The following PTER variants were observed in gnomAD, a reference collection of about 807,000 sequenced individuals.
PTER encodes the protein phosphotriesterase related.
PTER carries 38 observed loss-of-function variants against 29.6 expected under a neutral mutation model. The observed-to-expected ratio is 1.28, with a 90% CI of 0.99 to 1.68. The LOEUF (loss-of-function observed/expected upper bound fraction) is 1.68, where lower values mean the gene tolerates loss of function less well. Ranked by LOEUF, PTER falls within the 40% of genes most tolerant of loss-of-function variation. The probability of loss-of-function intolerance (pLI) is 0.00; values close to 1 mark genes in which losing one functional copy is unlikely to be tolerated. For missense variants in PTER, 482 were observed against 427.8 expected (o/e 1.13, Z -1.12); for synonymous variants, 172 against 154.5 (o/e 1.11, Z -0.84).
At chr10:16,466,178 G>T (rs1427242910) in intron 1 of PTER, among the ~76,000 whole-genome samples, 3 of 152,108 alleles carry the variant, frequency 2.0e-5, no homozygotes, top group African/African-American at 7.2e-5. Flanking sequence ...TTATGGTGTT[G>T]ACTTTCCCAG....
Position 16,513,134 on chromosome 10 carries a change from G to T in PTER, c.*1878G>T, listed in dbSNP as rs1173188719. The T allele has an allele frequency of 6.6e-6, 1 of 152,166 alleles. No homozygotes were observed. Among genetic ancestry groups the T allele is most frequent in the Non-Finnish European group, 1.5e-5 (1 of 67,996 alleles). The allele number at this position is 152,166 out of a possible 1,614,324, so 9.4% of individuals were successfully genotyped here. A position where few individuals can be genotyped will look rare whatever the true frequency, so the allele number is the denominator to read the frequency against. On this transcript the variant is annotated 3_prime_UTR_variant, in exon 5 of 5. Coordinates refer to ENST00000535784, the MANE Select transcript of PTER (RefSeq NM_001261836.2). ...CAGTTAAAGTATTGATTGGCATATGGTAATAGAGCAACCATAGCCTTAACT... is the reference window on the plus strand; with the variant it reads ...CAGTTAAAGTATTGATTGGCATATGTTAATAGAGCAACCATAGCCTTAACT...
At chr10:16,483,981 A>T (rs1835582362) in intron 1 of PTER, among the ~76,000 whole-genome samples, 1 of 152,172 alleles carries the variant, frequency 6.6e-6, no homozygotes, top group Non-Finnish European at 1.5e-5. Context: ...CTTTTTTTTA[A>T]TTACAATTAC....
intron 1 of PTER, among the ~76,000 whole-genome samples, chr10:16,477,947 G>A (rs1368690837): frequency 6.6e-6 from 1 of 152,172 alleles, no homozygotes; most frequent in Non-Finnish European, 1.5e-5. Context: ...AGGGTTTCAT[G>A]GGACAGAAAA....
intron 1 of PTER, among the ~76,000 whole-genome samples, chr10:16,477,605 T>C (rs1430092886): frequency 6.6e-6 from 1 of 152,176 alleles, no homozygotes; most frequent in African/African-American, 2.4e-5. Flanking sequence ...CTGGAAGTTA[T>C]CTGGTCAACC....
At chr10:16,458,400 A>G (rs1170746289) in intron 1 of PTER, among the ~76,000 whole-genome samples, 1 of 152,220 alleles carries the variant, frequency 6.6e-6, no homozygotes, top group Non-Finnish European at 1.5e-5. Flanking sequence ...TTATGCGATT[A>G]TGATATTATA....
chr10:16,452,194 TACACACACACAC>T, intron 1 of PTER, among the ~76,000 whole-genome samples: 1 of 146,318 alleles, frequency 6.8e-6, no homozygotes, highest in Admixed American at 6.9e-5. Context: ...ACCAGTGGGA[TACACACACACAC>T]ACACACACAC....
intron 1 of PTER, among the ~76,000 whole-genome samples, chr10:16,444,846 T>A (rs963570009): frequency 6.6e-6 from 1 of 152,222 alleles, no homozygotes; most frequent in East Asian, 1.9e-4. Flanking sequence ...GGGTTTTTTT[T>A]AATCCTTAAA....
intron 4 of PTER, among the ~76,000 whole-genome samples, chr10:16,507,536 G>A (rs1836622709): frequency 2.0e-5 from 3 of 152,174 alleles, no homozygotes; most frequent in Admixed American, 6.5e-5. Context: ...TTGAGCCAGT[G>A]GTCATAGTTG....
At chr10:16,487,449 A>C (rs182457116) in intron 3 of PTER, among the ~76,000 whole-genome samples, 170 of 152,296 alleles carry the variant, frequency 1.1e-3, no homozygotes, top group African/African-American at 3.8e-3. Flanking sequence ...TGTTACAACC[A>C]CAGTTGCCAT....
At chr10:16,438,120 C>G (rs1186553772) in intron 1 of PTER, among the ~76,000 whole-genome samples, 1 of 152,100 alleles carries the variant, frequency 6.6e-6, no homozygotes, top group Non-Finnish European at 1.5e-5. Flanking sequence ...ATTCTCTTGC[C>G]TCAGCCTTCT....
chr10:16,510,473 G>A (rs4747275), intron 4 of PTER, among the ~76,000 whole-genome samples: 77,077 of 152,108 alleles, frequency 0.51, 20,493 homozygotes, highest in African/African-American at 0.67. Context: ...TGGTTAAAAT[G>A]CTGACCAACC....
chr10:16,507,520 A>G (rs190975517), intron 4 of PTER, among the ~76,000 whole-genome samples: 2 of 152,256 alleles, frequency 1.3e-5, no homozygotes, highest in African/African-American at 2.4e-5. Context: ...GGTTGAGGGG[A>G]AGATCTTGAG....
At chr10:16,501,944 G>A in intron 3 of PTER, among the ~76,000 whole-genome samples, 1 of 152,194 alleles carries the variant, frequency 6.6e-6, no homozygotes, top group Admixed American at 6.5e-5. Context: ...CACATAGTAA[G>A]TTCTCATAAT....
intron 1 of PTER, among the ~76,000 whole-genome samples, chr10:16,479,979 C>T (rs1835417298): frequency 6.7e-6 from 1 of 148,844 alleles, no homozygotes; most frequent in Admixed American, 6.7e-5. Flanking sequence ...CTGGTTTTTA[C>T]CATCACTTCA....
At position 16,503,729 on chromosome 10, in the gene PTER, G is replaced by A. The variant is rs538974532; in HGVS notation, c.699-1291G>A. ...CCATTTTTGTATTTTTAGTAGAGAC[G>A]TGGTTTCACTATGTTGGCTAGACTG... On this transcript the variant is annotated intron_variant, in intron 3 of 4. Transcript: ENST00000535784. Among the ~76,000 whole-genome samples the A allele has an allele frequency of 5.9e-5, 9 of 152,226 alleles. No individual in the cohort carries two copies. In the South Asian group the frequency reaches 6.2e-4, roughly 11 times the overall value.
intron 1 of PTER, among the ~76,000 whole-genome samples, chr10:16,475,160 A>C (rs1326000083): frequency 2.0e-5 from 3 of 152,100 alleles, no homozygotes; most frequent in Admixed American, 2.0e-4. Context: ...TAGGATTTCA[A>C]CATAGGAATT....
intron 4 of PTER, 87 bp downstream of exon 4, chr10:16,505,247 A>T: frequency 6.6e-7 from 1 of 1,515,834 alleles, no homozygotes; most frequent in Admixed American, 1.9e-5. Context: ...AAAGATTCAG[A>T]AAACAGTAAG....
At chr10:16,453,040 G>T (rs1315802960) in intron 1 of PTER, among the ~76,000 whole-genome samples, 2 of 152,164 alleles carry the variant, frequency 1.3e-5, no homozygotes, top group Non-Finnish European at 2.9e-5. Context: ...GTGAGCCACT[G>T]CGTCCAGCCA....
At chr10:16,468,421 GT>G (rs1380186291) in intron 1 of PTER, among the ~76,000 whole-genome samples, 15 of 150,540 alleles carry the variant, frequency 1.0e-4, no homozygotes, top group Non-Finnish European at 2.2e-4. Context: ...ACACATTTTT[GT>G]TGTTCTTTTC....
Sources: gnomAD v4.1 joint callset for allele counts (sites outside exome capture counted in the v4.1 genomes callset) on GRCh38, gnomAD v4.1.1 for gene constraint, MANE v1.5 for transcripts, NCBI Gene and HGNC (gene_info 2026-07-23, HGNC 2026-07-21) for gene names.